Variants in CNTN4 observed in about 807,000 individuals in gnomAD.
CNTN4 encodes contactin-4.
Under a neutral mutation model 122.5 loss-of-function variants are expected in CNTN4, and 77 were observed. That is an observed-to-expected ratio of 0.63 (90% CI 0.52 to 0.76). The LOEUF is 0.76. Among genes scored for constraint, CNTN4 ranks in the 30% least tolerant of loss-of-function variants. CNTN4 has a pLI of 0.00. For missense variants in CNTN4, 1,256 were observed against 1,259.1 expected (o/e 1.00, Z 0.04); for synonymous variants, 512 against 447.0 (o/e 1.15, Z -1.83).
At chr3:2,531,561 G>A (rs945067504) in intron 3 of CNTN4, among the ~76,000 whole-genome samples, 1 of 152,076 alleles carries the variant, frequency 6.6e-6, no homozygotes, top group Non-Finnish European at 1.5e-5. Flanking sequence ...ACAATTCTCA[G>A]TTGCAAATGG....
At chr3:2,760,409 G>A (rs941455174) in intron 6 of CNTN4, among the ~76,000 whole-genome samples, 2 of 152,012 alleles carry the variant, frequency 1.3e-5, no homozygotes, top group African/African-American at 4.8e-5. Flanking sequence ...TCTTTTGCAC[G>A]TTATCGGTTT....
chr3:2,881,515 G>GA (rs1245876383), intron 8 of CNTN4, among the ~76,000 whole-genome samples: 13,217 of 107,680 alleles, frequency 0.12, 1,043 homozygotes, highest in Middle Eastern at 0.24. Flanking sequence ...TCAGTCTCAA[G>GA]AAAAAAAAAA....
chr3:2,475,255 C>T (rs1343406455), intron 3 of CNTN4, among the ~76,000 whole-genome samples: 2 of 152,086 alleles, frequency 1.3e-5, no homozygotes, highest in Non-Finnish European at 2.9e-5. Context: ...GGAAGAAGTC[C>T]GTTCAAAGAA....
chr3:2,222,558 A>G (rs2039101182), intron 2 of CNTN4, among the ~76,000 whole-genome samples: 1 of 152,172 alleles, frequency 6.6e-6, no homozygotes, highest in Non-Finnish European at 1.5e-5. Flanking sequence ...GCACAGAACC[A>G]ATACATGAAT....
chr3:2,138,858 T>C (rs1271683561), intron 2 of CNTN4, among the ~76,000 whole-genome samples: 1 of 152,186 alleles, frequency 6.6e-6, no homozygotes, highest in Admixed American at 6.5e-5. Flanking sequence ...TTCTTCTCTC[T>C]CTCTCTCTCT....
intron 4 of CNTN4, among the ~76,000 whole-genome samples, chr3:2,627,577 T>C (rs900579425): frequency 6.9e-6 from 1 of 145,554 alleles, no homozygotes; most frequent in Non-Finnish European, 1.5e-5. Context: ...CACTGCAAGC[T>C]CCGCCTCCTG....
chr3:2,170,049 C>T (rs545285690), intron 2 of CNTN4, among the ~76,000 whole-genome samples: 22 of 152,110 alleles, frequency 1.4e-4, no homozygotes, highest in African/African-American at 2.2e-4. Context: ...AGGCCGGGCG[C>T]GGTGGCTCAC....
intron 4 of CNTN4, among the ~76,000 whole-genome samples, chr3:2,681,334 T>G (rs1317427430): frequency 2.6e-5 from 4 of 152,142 alleles, no homozygotes; most frequent in East Asian, 3.9e-4. Flanking sequence ...TTTCTAAATG[T>G]TTTTTGTCAT....
chr3:2,711,244 T>C (rs986929522), intron 4 of CNTN4, among the ~76,000 whole-genome samples: 2 of 152,254 alleles, frequency 1.3e-5, no homozygotes, highest in Admixed American at 1.3e-4. Flanking sequence ...TAGACAGTGA[T>C]GGAGACTCGG....
chr3:2,698,439 C>T (rs1042828514), intron 4 of CNTN4, among the ~76,000 whole-genome samples: 3 of 152,094 alleles, frequency 2.0e-5, no homozygotes, highest in South Asian at 4.2e-4. Flanking sequence ...CGGACCACGC[C>T]GTAATCTAAG....
At chr3:2,792,181 C>A (rs1023048140) in intron 6 of CNTN4, among the ~76,000 whole-genome samples, 4 of 152,106 alleles carry the variant, frequency 2.6e-5, no homozygotes, top group African/African-American at 9.7e-5. Flanking sequence ...AAGACATGGA[C>A]ATTCTTTCGG....
At chr3:2,879,489 C>G (rs1190705612) in intron 8 of CNTN4, among the ~76,000 whole-genome samples, 6 of 152,186 alleles carry the variant, frequency 3.9e-5, no homozygotes, top group Non-Finnish European at 7.3e-5. Flanking sequence ...GCATATCCTA[C>G]AGTGGAATAT....
In CNTN4 at chr3:2,516,800, G is replaced by A. The variant is rs114875705; in HGVS notation, c.-88-54616G>A. Among the ~76,000 whole-genome samples, 1,173 of 152,246 alleles carry A rather than the reference G, an allele frequency of 7.7e-3. 9 individuals carry two copies. The highest frequency in any genetic ancestry group is 0.023 in the African/African-American group (944 of 41,552). On this transcript the variant is annotated intron_variant, in intron 3 of 24. Coordinates refer to ENST00000418658, the MANE Select transcript of CNTN4 (RefSeq NM_175607.3). ...CAGGGCTATACATTCTGAAGATATG[G>A]CAGAATTTAGAGAAGCTGACTATGC...
intron 4 of CNTN4, among the ~76,000 whole-genome samples, chr3:2,721,159 A>C (rs527570374): frequency 4.9e-4 from 74 of 152,082 alleles, no homozygotes; most frequent in African/African-American, 1.7e-3. Flanking sequence ...TTTAGTAGAG[A>C]TGAGGGTTCA....
At chr3:2,869,007 G>A (rs1019108627) in intron 8 of CNTN4, among the ~76,000 whole-genome samples, 5 of 152,004 alleles carry the variant, frequency 3.3e-5, no homozygotes, top group Admixed American at 6.6e-5. Flanking sequence ...CCTGAGGCCT[G>A]AAAAAAAGCA....
chr3:2,787,549 A>G (rs2091876470), intron 6 of CNTN4, among the ~76,000 whole-genome samples: 1 of 152,210 alleles, frequency 6.6e-6, no homozygotes, highest in Non-Finnish European at 1.5e-5. Flanking sequence ...CAAGGTAATA[A>G]TAGAGGAAGA....
intron 13 of CNTN4, among the ~76,000 whole-genome samples, chr3:2,951,198 G>T (rs1331267708): frequency 6.6e-6 from 1 of 152,144 alleles, no homozygotes; most frequent in Non-Finnish European, 1.5e-5. Flanking sequence ...TAGACCAGTG[G>T]TCCCCTTTTT....
intron 2 of CNTN4, among the ~76,000 whole-genome samples, chr3:2,258,617 C>T (rs562218939): frequency 1.3e-5 from 2 of 152,246 alleles, no homozygotes; most frequent in African/African-American, 4.8e-5. Flanking sequence ...ACCTACCACA[C>T]ATAATATAAT....
chr3:2,585,619 C>T (rs1252960990), intron 4 of CNTN4, among the ~76,000 whole-genome samples: 7 of 147,018 alleles, frequency 4.8e-5, no homozygotes, highest in Non-Finnish European at 1.0e-4. Context: ...TGTTCTTACT[C>T]ATAGGTGGGA....
Sources: gnomAD v4.1 joint callset for allele counts (sites outside exome capture counted in the v4.1 genomes callset) on GRCh38, gnomAD v4.1.1 for gene constraint, MANE v1.5 for transcripts, NCBI Gene and HGNC (gene_info 2026-07-23, HGNC 2026-07-21) for gene names.